Variants in RAD9B observed in about 807,000 individuals in gnomAD.
RAD9B encodes the protein cell cycle checkpoint control protein RAD9B.
RAD9B carries 41 observed loss-of-function variants against 48.3 expected under a neutral mutation model. That is an observed-to-expected ratio of 0.85 (90% CI 0.66 to 1.10). The LOEUF is 1.10. Among genes scored for constraint, RAD9B ranks in the 50% least tolerant of loss-of-function variants. RAD9B has a pLI of 0.00. For missense variants in RAD9B, 444 were observed against 485.1 expected (o/e 0.92, Z 0.80); for synonymous variants, 160 against 157.9 (o/e 1.01, Z -0.10).
At position 110,522,290 on chromosome 12, in the gene RAD9B, T is replaced by C. The variant is rs2063809947; in HGVS notation, c.1004T>C (p.Ile335Thr). 2 of 1,613,406 alleles carry C rather than the reference T, an allele frequency of 1.2e-6. No homozygotes were observed. Among genetic ancestry groups the C allele is most frequent in the South Asian group, 1.1e-5 (1 of 90,906 alleles). The change falls in exon 10 of 11, where the codon ATA becomes ACA. Residue 335 changes from isoleucine to threonine, a missense_variant. Ile to Thr is a moderately conservative substitution (Grantham distance 89). Coordinates refer to ENST00000409300, the MANE Select transcript of RAD9B (RefSeq NM_001286535.2). ...RLYPKETLTN[I>T]SALENCGSPA... ...TATCCTAAGGAGACTCTCACAAACATATCTGCATTGGAAAACTGTGGCAGC... is the reference window on the plus strand; with the variant it reads ...TATCCTAAGGAGACTCTCACAAACACATCTGCATTGGAAAACTGTGGCAGC...
At chr12:110,511,426 A>G in intron 4 of RAD9B, 1 of 438,144 alleles carries the variant, frequency 2.3e-6, no homozygotes, top group Non-Finnish European at 4.6e-6. Context: ...TGTCATTTGC[A>G]GCAACGTGGA....
At chr12:110,527,392 G>T (rs1694784847) in intron 10 of RAD9B, among the ~76,000 whole-genome samples, 1 of 152,188 alleles carries the variant, frequency 6.6e-6, no homozygotes, top group African/African-American at 2.4e-5. Flanking sequence ...CATCTTCAGA[G>T]GTTCATGGGC....
In RAD9B at chr12:110,512,701, G is replaced by T. The variant is rs1218786620; in HGVS notation, c.389-78G>T. The stretch of plus-strand genomic sequence containing the variant: ...AATGTTACTTTATTACTTTAATTTG[G>T]CTGTGAAACTTAAAGACTTCTTTAA... On this transcript the variant is annotated intron_variant, in intron 4 of 10. Coordinates refer to ENST00000409300, the MANE Select transcript of RAD9B (RefSeq NM_001286535.2). 1.5e-5 allele frequency: 10 copies of T among 652,890 alleles called. No individual in the cohort carries two copies. In the East Asian group the frequency reaches 1.7e-4, roughly 11 times the overall value. The allele number at this position is 652,890 out of a possible 1,614,324, so 40.4% of individuals were successfully genotyped here. A position where few individuals can be genotyped will look rare whatever the true frequency, so the allele number is the denominator to read the frequency against.
intron 10 of RAD9B, among the ~76,000 whole-genome samples, chr12:110,526,645 C>T (rs1270227663): frequency 6.6e-6 from 1 of 151,668 alleles, no homozygotes; most frequent in African/African-American, 2.4e-5. Flanking sequence ...CACGGTGGCT[C>T]ATGCCTGTAA....
chr12:110,502,564 A>G, intron 1 of RAD9B, 181 bp downstream of exon 1: 1 of 644,404 alleles, frequency 1.6e-6, no homozygotes, highest in Middle Eastern at 3.1e-4. Context: ...ATGAGGACCC[A>G]TCTCGTGTGA....
Position 110,519,832 on chromosome 12 carries a change from C to G in RAD9B, c.806C>G (p.Ala269Gly), listed in dbSNP as rs1467359956. 1.2e-6 allele frequency: 2 copies of G among 1,613,112 alleles called. No individual in the cohort carries two copies. Among genetic ancestry groups the G allele is most frequent in the Non-Finnish European group, 8.5e-7 (1 of 1,179,634 alleles). ...ALSIDDMLVE[A>G]NFILATLADE... is the part of the protein sequence containing the mutation. The stretch of plus-strand genomic sequence containing the variant: ...AGTATTGATGATATGTTAGTGGAAG[C>G]TAACTTTATTTTGGCCACATTAGCT... Residue 269 changes from alanine to glycine, a missense_variant, in exon 9 of 11, where the codon GCT (alanine) becomes GGT (glycine). Physicochemically the swap from Ala to Gly is moderately conservative, Grantham distance 60. Coordinates refer to ENST00000409300, the MANE Select transcript of RAD9B (RefSeq NM_001286535.2).
intron 6 of RAD9B, among the ~76,000 whole-genome samples, chr12:110,515,387 G>A (rs1297223285): frequency 6.6e-6 from 1 of 152,164 alleles, no homozygotes; most frequent in Non-Finnish European, 1.5e-5. Flanking sequence ...GGGGCCAGGT[G>A]CTGTGGCTCA....
At chr12:110,516,669 G>T (rs2063608728) in intron 6 of RAD9B, among the ~76,000 whole-genome samples, 1 of 151,950 alleles carries the variant, frequency 6.6e-6, no homozygotes, top group Admixed American at 6.6e-5. Flanking sequence ...AATTAGTGGG[G>T]CGTGGTGGTG....
chr12:110,530,390 G>A lies in RAD9B; in HGVS notation c.1126-135G>A, dbSNP rs564288587. 169 of 800,118 alleles carry A rather than the reference G, an allele frequency of 2.1e-4. 3 individuals carry two copies. In the Admixed American group the frequency reaches 3.9e-3, roughly 19 times the overall value. The allele number at this position is 800,118 out of a possible 1,614,324, so 49.6% of individuals were successfully genotyped here. ...GTTGGACCAATAATGAAGGTTCTGG[G>A]TGTTCTGTGAACCATCACCAGCAAA... On this transcript the variant is annotated intron_variant, in intron 10 of 10. Coordinates refer to ENST00000409300, the MANE Select transcript of RAD9B (RefSeq NM_001286535.2).
Position 110,505,667 on chromosome 12 carries a change from G to T in RAD9B, c.168G>T (p.Leu56=), listed in dbSNP as rs766981440. Residue 56 remains leucine, a synonymous_variant, in exon 3 of 11, where the codon CTG becomes CTT. Coordinates refer to ENST00000409300, the MANE Select transcript of RAD9B (RefSeq NM_001286535.2). ...CTCGGTCAGCATATGGATGTGTCCT[G>T]TTCTCTCCTGTGTTTTTTCAGCATT... is the stretch of plus-strand genomic sequence containing the variant. ...NSSRSAYGCV[L]FSPVFFQHYQ... The T allele has an allele frequency of 6.3e-6, 10 of 1,583,642 alleles. No homozygotes were observed. The African/African-American group carries it at 6.7e-5, about 11-fold the overall frequency.
At chr12:110,521,420 C>T (rs1038473070) in intron 9 of RAD9B, among the ~76,000 whole-genome samples, 1 of 152,070 alleles carries the variant, frequency 6.6e-6, no homozygotes, top group Non-Finnish European at 1.5e-5. Context: ...TCCCAGAGTG[C>T]TAGGATTACA....
rs138910522 is a variant in RAD9B, at chr12:110,523,227, G to T, written c.1125+816G>T. 2.6e-5 allele frequency among the ~76,000 whole-genome samples: 4 copies of T among 152,210 alleles called. No homozygotes were observed. In the East Asian group the frequency reaches 7.7e-4, roughly 29 times the overall value. On this transcript the variant is annotated intron_variant, in intron 10 of 10. Transcript: ENST00000409300. Reference sequence around the variant, plus strand: ...AAGGAGGGAAGATCTCTTGAGCTACGAGTTCAAGACCAGCCTAAGTGACAG... The same window carrying T: ...AAGGAGGGAAGATCTCTTGAGCTACTAGTTCAAGACCAGCCTAAGTGACAG...
chr12:110,516,579 A>G (rs972232494), intron 6 of RAD9B, among the ~76,000 whole-genome samples: 3 of 152,174 alleles, frequency 2.0e-5, no homozygotes, highest in African/African-American at 7.2e-5. Flanking sequence ...TGGGAGGCTG[A>G]GGCAGGCGGA....
intron 10 of RAD9B, among the ~76,000 whole-genome samples, chr12:110,524,281 G>A (rs2063868089): frequency 6.6e-6 from 1 of 152,196 alleles, no homozygotes; most frequent in Non-Finnish European, 1.5e-5. Context: ...TTTAGTTATT[G>A]GCTGGGCACA....
At chr12:110,525,650 A>G (rs111424402) in intron 10 of RAD9B, among the ~76,000 whole-genome samples, 2,068 of 152,000 alleles carry the variant, frequency 0.014, 45 homozygotes, top group African/African-American at 0.047. Context: ...CCGGCTCTCT[A>G]CTATATAGTT....
intron 10 of RAD9B, among the ~76,000 whole-genome samples, chr12:110,530,058 T>A (rs899177110): frequency 6.6e-6 from 1 of 152,158 alleles, no homozygotes; most frequent in African/African-American, 2.4e-5. Context: ...TTGTTTAATT[T>A]TTTGAGATGG....
intron 5 of RAD9B, 136 bp from the exon 6 acceptor site, chr12:110,514,914 G>A: frequency 1.8e-6 from 1 of 565,408 alleles, no homozygotes; most frequent in Admixed American, 3.4e-5. Context: ...AAGAAGGTAG[G>A]AGTTTGGGTA....
intron 2 of RAD9B, 71 bp from the exon 3 acceptor site, chr12:110,505,546 G>A: frequency 7.4e-7 from 1 of 1,358,270 alleles, no homozygotes; most frequent in South Asian, 1.8e-5. Context: ...TTCCCAAAGT[G>A]CTTGGATTAC....
Position 110,532,850 on chromosome 12 carries a change from C to T in RAD9B, c.*2197C>T, listed in dbSNP as rs2064174294. 6.6e-6 allele frequency among the ~76,000 whole-genome samples: 1 copy of T among 152,080 alleles called. No individual in the cohort carries two copies. Among genetic ancestry groups the T allele is most frequent in the East Asian group, 1.9e-4 (1 of 5,196 alleles). ...AGGAGCAACAGGCTATTCATATAGC[C>T]CAGATGTGTAGTAGGCTAGACCATC... On this transcript the variant is annotated 3_prime_UTR_variant, in exon 11 of 11. Transcript: ENST00000409300.
Sources: allele counts gnomAD v4.1 joint callset (sites outside exome capture counted in the v4.1 genomes callset), GRCh38; gene constraint gnomAD v4.1.1; transcripts MANE v1.5; gene names NCBI Gene and HGNC (gene_info 2026-07-23, HGNC 2026-07-21).